The following BMP5 variants were observed in gnomAD, a reference collection of about 807,000 sequenced individuals.
The protein encoded by BMP5 is bone morphogenetic protein 5.
A neutral mutation model predicts 46.6 loss-of-function variants in BMP5; 23 were observed. The observed-to-expected ratio is 0.49, with a 90% confidence interval of 0.35 to 0.70. BMP5 has a LOEUF of 0.70. Among genes scored for constraint, BMP5 ranks in the 30% least tolerant of loss-of-function variants. The probability of loss-of-function intolerance (pLI) is 0.00; values close to 1 mark genes in which losing one functional copy is unlikely to be tolerated. For missense variants in BMP5, 545 were observed against 565.6 expected, an observed-to-expected ratio of 0.96 and a Z score of 0.37; for synonymous variants, 204 against 191.9, an observed-to-expected ratio of 1.06 and a Z score of -0.52.
rs1582067218 is a variant in BMP5 at position 55,790,973 on chromosome 6, C to A, written c.832+3306G>T. ...CTTTTGTAACCCGCTACCTTGCATGCACAGATACTCAATAATTATATGTTG... is the reference window on the plus strand; with the variant it reads ...CTTTTGTAACCCGCTACCTTGCATGAACAGATACTCAATAATTATATGTTG... On this transcript the variant is annotated intron_variant, in intron 3 of 6. Transcript: ENST00000370830. Among the ~76,000 whole-genome samples, 3 of 152,278 alleles carry A rather than the reference C, an allele frequency of 2.0e-5. No individual in the cohort carries two copies. In the South Asian group the frequency reaches 6.2e-4, roughly 32 times the overall value.
At chr6:55,826,611 A>G (rs1776538447) in intron 1 of BMP5, among the ~76,000 whole-genome samples, 1 of 151,480 alleles carries the variant, frequency 6.6e-6, no homozygotes, top group Admixed American at 6.6e-5. Context: ...ATGAGCTTTC[A>G]GTGATTATTT....
rs1775082303 is a variant in BMP5, at chr6:55,772,965, A to T, written c.1027+1084T>A. ...GTCGTCATCTATTTCTTATCTAAAC[A>T]CTCATGCATGTTTGAGTAATAAATA... On this transcript the variant is annotated intron_variant, in intron 4 of 6. Transcript: ENST00000370830. 3 of 970,374 alleles carry T rather than the reference A, an allele frequency of 3.1e-6. No homozygotes were observed. In the South Asian group the frequency reaches 1.4e-4, roughly 46 times the overall value. The allele number at this position is 970,374 out of a possible 1,614,324, so 60.1% of individuals were successfully genotyped here. A position where few individuals can be genotyped will look rare whatever the true frequency, so the allele number is the denominator to read the frequency against.
At chr6:55,813,759 C>A (rs1386502453) in intron 2 of BMP5, among the ~76,000 whole-genome samples, 2 of 148,900 alleles carry the variant, frequency 1.3e-5, no homozygotes. Flanking sequence ...TGCACTCCAG[C>A]CTGGATGAAA....
At chr6:55,776,523 C>A in intron 3 of BMP5, among the ~76,000 whole-genome samples, 1 of 147,780 alleles carries the variant, frequency 6.8e-6, no homozygotes, top group East Asian at 2.0e-4. Flanking sequence ...TAAATTTTTT[C>A]ATTTTTTTTT....
chr6:55,802,757 A>C lies in BMP5; in HGVS notation c.684-8330T>G, dbSNP rs190896641. Among the ~76,000 whole-genome samples the C allele has an allele frequency of 5.9e-4, 90 of 151,914 alleles. No homozygotes were observed. In the East Asian group the frequency reaches 0.016, roughly 27 times the overall value. On this transcript the variant is annotated intron_variant, in intron 2 of 6. Coordinates refer to ENST00000370830, the MANE Select transcript of BMP5 (RefSeq NM_021073.4). ...TATTTTTGCCATTACTTTTAATGGC[A>C]AAAACCACAAGTACTTTTGCACCTA...
intron 2 of BMP5, among the ~76,000 whole-genome samples, chr6:55,808,378 C>T (rs1776042900): frequency 6.6e-6 from 1 of 152,174 alleles, no homozygotes; most frequent in South Asian, 2.1e-4. Context: ...ATGGCTGCTG[C>T]CCTTCTCCTG....
In BMP5 at chr6:55,844,565, T is replaced by C. The variant is rs375656855; in HGVS notation, c.491-24718A>G. On this transcript the variant is annotated intron_variant, in intron 1 of 6. Coordinates refer to ENST00000370830, the MANE Select transcript of BMP5 (RefSeq NM_021073.4). Reference sequence around the variant, plus strand: ...TTTATGAGTTCTACAAATTAACAGATTACTTTCTTTTCCAAACTTGAGATG... The same window carrying C: ...TTTATGAGTTCTACAAATTAACAGACTACTTTCTTTTCCAAACTTGAGATG... Among the ~76,000 whole-genome samples the C allele has an allele frequency of 3.9e-5, 6 of 152,092 alleles. No homozygotes were observed. In the East Asian group the frequency reaches 1.2e-3, roughly 29 times the overall value.
intron 1 of BMP5, among the ~76,000 whole-genome samples, chr6:55,847,407 A>C (rs111684069): frequency 4.3e-4 from 66 of 151,976 alleles, no homozygotes; most frequent in African/African-American, 1.6e-3. Flanking sequence ...ATCAATACAA[A>C]ATTAATCTTA....
intron 2 of BMP5, among the ~76,000 whole-genome samples, chr6:55,813,437 G>T (rs981493071): frequency 5.9e-5 from 9 of 151,786 alleles, no homozygotes; most frequent in Non-Finnish European, 2.9e-5. Flanking sequence ...AATGTTTCTT[G>T]GTTTGGGTCA....
At chr6:55,770,657 A>G (rs538068580) in intron 4 of BMP5, among the ~76,000 whole-genome samples, 1 of 152,094 alleles carries the variant, frequency 6.6e-6, no homozygotes, top group African/African-American at 2.4e-5. Flanking sequence ...CTTTCAATCT[A>G]TCTGGACTTT....
intron 1 of BMP5, 43 bp from the exon 2 acceptor site, chr6:55,819,890 T>C: frequency 6.8e-7 from 1 of 1,465,386 alleles, no homozygotes; most frequent in Non-Finnish European, 9.5e-7. Flanking sequence ...AGTTAGTCTT[T>C]TATAAAATAT....
At chr6:55,766,522 A>T (rs1033366767) in intron 4 of BMP5, among the ~76,000 whole-genome samples, 4 of 151,848 alleles carry the variant, frequency 2.6e-5, no homozygotes, top group African/African-American at 9.7e-5. Context: ...TGGTTCTTAC[A>T]TCTCTCTCTC....
At chr6:55,810,792 G>A (rs1433628162) in intron 2 of BMP5, among the ~76,000 whole-genome samples, 3 of 152,180 alleles carry the variant, frequency 2.0e-5, no homozygotes, top group Non-Finnish European at 4.4e-5. Flanking sequence ...AAAGCACTCT[G>A]TGAGGCAGAG....
chr6:55,775,601 G>A (rs1775155772), intron 3 of BMP5, among the ~76,000 whole-genome samples: 1 of 151,794 alleles, frequency 6.6e-6, no homozygotes, highest in Non-Finnish European at 1.5e-5. Context: ...ATTGACTCTG[G>A]CTTGCCCCAT....
intron 5 of BMP5, 139 bp downstream of exon 5, chr6:55,760,318 A>G (rs1774738733): frequency 1.3e-6 from 1 of 748,992 alleles, no homozygotes; most frequent in African/African-American, 1.8e-5. Flanking sequence ...ATGAAAATAA[A>G]GTGAATAAGC....
At chr6:55,808,688 C>T (rs763460804) in intron 2 of BMP5, among the ~76,000 whole-genome samples, 3 of 152,202 alleles carry the variant, frequency 2.0e-5, no homozygotes, top group Non-Finnish European at 2.9e-5. Flanking sequence ...CATGCTCACT[C>T]ACCACCTCCC....
intron 2 of BMP5, among the ~76,000 whole-genome samples, chr6:55,795,403 T>C (rs1775685038): frequency 6.6e-6 from 1 of 152,062 alleles, no homozygotes; most frequent in Non-Finnish European, 1.5e-5. Flanking sequence ...TTTAAGAGCA[T>C]ATTATTTATA....
chr6:55,770,179 C>A (rs1775015122), intron 4 of BMP5, among the ~76,000 whole-genome samples: 1 of 151,948 alleles, frequency 6.6e-6, no homozygotes, highest in Admixed American at 6.6e-5. Flanking sequence ...TCCTACATAA[C>A]ATCTTCCAAT....
chr6:55,790,327 C>T (rs1775547386), intron 3 of BMP5, among the ~76,000 whole-genome samples: 1 of 152,090 alleles, frequency 6.6e-6, no homozygotes, highest in Non-Finnish European at 1.5e-5. Flanking sequence ...ATTTTCAATA[C>T]CTACGACCTG....
Sources: allele counts gnomAD v4.1 joint callset (sites outside exome capture counted in the v4.1 genomes callset), GRCh38; gene constraint gnomAD v4.1.1; transcripts MANE v1.5; gene names NCBI Gene and HGNC (gene_info 2026-07-23, HGNC 2026-07-21).